The following RTCB variants were observed in gnomAD, a reference collection of about 807,000 sequenced individuals.
RTCB encodes RNA 2',3'-cyclic phosphate and 5'-OH ligase, also known as RNA-splicing ligase RTCB.
In RTCB, 32 loss-of-function variants were observed where a neutral mutation model predicts 58.2. That is an observed-to-expected ratio of 0.55 (90% confidence interval 0.41 to 0.74). The LOEUF is 0.74. RTCB is among the 30% of genes least tolerant of loss of function. RTCB has a pLI of 0.00. For missense variants in RTCB, 523 were observed against 639.0 expected (o/e 0.82, Z 1.96); for synonymous variants, 247 against 218.6 (o/e 1.13, Z -1.15).
intron 8 of RTCB, among the ~76,000 whole-genome samples, chr22:32,395,829 G>C (rs1023817693): frequency 6.6e-6 from 1 of 151,992 alleles, no homozygotes; most frequent in African/African-American, 2.4e-5. Context: ...CGAGTAGCTG[G>C]GACTACATGC....
chr22:32,402,936 G>A (rs1933362283), intron 4 of RTCB, among the ~76,000 whole-genome samples: 1 of 152,028 alleles, frequency 6.6e-6, no homozygotes, highest in South Asian at 2.1e-4. Context: ...GTAGGGATGG[G>A]GTTTCACCAT....
chr22:32,406,647 C>A lies in RTCB; in HGVS notation c.340+15G>T. ...ATGCTACACACTTAACAGCAGATGT[C>A]CACAGTGATCTTACCTGGGGATACT... On this transcript the variant is annotated intron_variant, in intron 4 of 11. Transcript: ENST00000216038. The A allele has an allele frequency of 6.3e-7, 1 of 1,577,654 alleles. No individual in the cohort carries two copies. Among genetic ancestry groups the A allele is most frequent in the South Asian group, 1.1e-5 (1 of 90,322 alleles).
intron 11 of RTCB, among the ~76,000 whole-genome samples, chr22:32,391,128 A>G (rs763521839): frequency 3.2e-4 from 48 of 152,314 alleles, no homozygotes; most frequent in Non-Finnish European, 5.1e-4. Flanking sequence ...TCTAATTACT[A>G]TAACAACTGG....
In RTCB at chr22:32,388,039, T is replaced by C; in HGVS notation, c.1471A>G (p.Ser491Gly). The C allele has an allele frequency of 6.2e-7, 1 of 1,614,160 alleles. No individual in the cohort carries two copies. The highest frequency in any genetic ancestry group is 1.1e-5 in the South Asian group (1 of 91,086). The change falls in exon 12 of 12, where the codon AGC becomes GGC. Residue 491 changes from serine (S) to glycine (G), a missense_variant. This residue lies in a region of RTCB where 248 missense variants were observed against 292.5 expected (regional missense o/e 0.85). Coordinates refer to ENST00000216038, the MANE Select transcript of RTCB (RefSeq NM_014306.5). ...VVNTCHDAGI[S>G]KKAIKLRPIA... Reference sequence around the variant, plus strand: ...GGTCTCAGTTTAATGGCTTTCTTGCTGATTCCAGCATCATGGCAGGTATTT... The same window carrying C: ...GGTCTCAGTTTAATGGCTTTCTTGCCGATTCCAGCATCATGGCAGGTATTT...
chr22:32,394,708 A>T (rs768248286), intron 9 of RTCB, among the ~76,000 whole-genome samples: 1 of 152,118 alleles, frequency 6.6e-6, no homozygotes, highest in African/African-American at 2.4e-5. Context: ...AGAGGACAGG[A>T]GGAATGAAAC....
At chr22:32,403,256 A>C (rs1933367122) in intron 4 of RTCB, among the ~76,000 whole-genome samples, 2 of 152,016 alleles carry the variant, frequency 1.3e-5, no homozygotes, top group Non-Finnish European at 2.9e-5. Flanking sequence ...AATACAAAAA[A>C]ATTAGCGGGG....
rs927708981 is a variant in RTCB at position 32,392,370 on chromosome 22, A to T, written c.1291-11T>A. 5.6e-6 allele frequency: 9 copies of T among 1,613,254 alleles called. No homozygotes were observed. The highest frequency in any genetic ancestry group is 7.6e-6 in the Non-Finnish European group (9 of 1,179,576). On this transcript the variant is annotated splice_polypyrimidine_tract_variant and intron_variant, in intron 10 of 11. Coordinates refer to ENST00000216038, the MANE Select transcript of RTCB (RefSeq NM_014306.5). ...GGACAATGCACGGCCCTAGAATGGG[A>T]AAGGAATGAACTTTACTTTAAACCC...
intron 4 of RTCB, among the ~76,000 whole-genome samples, chr22:32,404,201 G>T (rs772657118): frequency 1.3e-5 from 2 of 152,114 alleles, no homozygotes; most frequent in African/African-American, 4.8e-5. Flanking sequence ...GGATCATATG[G>T]TAGTTCTATT....
At chr22:32,398,146 T>C in intron 6 of RTCB, 46 bp from the exon 7 acceptor site, 1 of 1,576,924 alleles carries the variant, frequency 6.3e-7, no homozygotes, top group Non-Finnish European at 8.6e-7. Context: ...ATTCCAGTTT[T>C]TTTTTTAATC....
chr22:32,408,974 C>T (rs1194597731), intron 1 of RTCB, 141 bp from the exon 2 acceptor site: 4 of 630,056 alleles, frequency 6.3e-6, no homozygotes, highest in South Asian at 6.0e-5. Flanking sequence ...ACACAGAAAA[C>T]TTCCTATCAA....
At chr22:32,401,115 A>T (rs1220890475) in intron 5 of RTCB, among the ~76,000 whole-genome samples, 1 of 143,288 alleles carries the variant, frequency 7.0e-6, no homozygotes, top group Non-Finnish European at 1.5e-5. Context: ...TTTTTAATTG[A>T]GACAGGGTCA....
At chr22:32,390,598 G>A (rs1231567266) in intron 11 of RTCB, among the ~76,000 whole-genome samples, 2 of 151,972 alleles carry the variant, frequency 1.3e-5, no homozygotes, top group East Asian at 1.9e-4. Flanking sequence ...ACAGGCGCCC[G>A]CCACCACGCC....
chr22:32,405,469 T>C (rs1235886837), intron 4 of RTCB, among the ~76,000 whole-genome samples: 1 of 152,148 alleles, frequency 6.6e-6, no homozygotes, highest in Non-Finnish European at 1.5e-5. Context: ...TGTACTACAA[T>C]GCAAGTGCAC....
At position 32,412,049 on chromosome 22, in the gene RTCB, G is replaced by A; in HGVS notation, c.93+15C>T. The A allele has an allele frequency of 6.3e-7, 1 of 1,593,958 alleles. No homozygotes were observed. ...CGGAGCACGGAAGGCCCCGCCATTT[G>A]CTCTCCTGCCTTACCTGCATGTTGG... On this transcript the variant is annotated intron_variant, in intron 1 of 11. Coordinates refer to ENST00000216038, the MANE Select transcript of RTCB (RefSeq NM_014306.5).
Position 32,398,605 on chromosome 22 carries a change from AG to A in RTCB, c.655-506del, listed in dbSNP as rs1290591968. On this transcript the variant is annotated intron_variant, in intron 6 of 11. Transcript: ENST00000216038. ...CCAGCACATGTATCCCAGAACTTAA[AG>A]TAAATAAATTAATTTTTTAAAAAAA... Among the ~76,000 whole-genome samples the A allele has an allele frequency of 3.3e-4, 50 of 152,334 alleles. No homozygotes were observed. In the South Asian group the frequency reaches 3.9e-3, roughly 12 times the overall value.
rs774747345 is a variant in RTCB, at chr22:32,401,734, C to T, written c.497+13G>A. On this transcript the variant is annotated intron_variant, in intron 5 of 11. Coordinates refer to ENST00000216038, the MANE Select transcript of RTCB (RefSeq NM_014306.5). The stretch of plus-strand genomic sequence containing the variant: ...TCCCTCCCATACCATGTACTGGAAA[C>T]GTGTGCTCTTACTTGGCATTCATTG... 2 of 1,613,336 alleles carry T rather than the reference C, an allele frequency of 1.2e-6. No individual in the cohort carries two copies. The highest frequency in any genetic ancestry group is 2.2e-5 in the South Asian group (2 of 91,000).
Position 32,396,230 on chromosome 22 carries a change from C to A in RTCB, c.834G>T (p.Glu278Asp). The part of the protein sequence containing the change: ...QVATDALVAM[E>D]KAMKRDKIIV... ...TAATCTTGTCTCTCTTCATGGCCTT[C>A]TCCATAGCTACCAGCGCATCTGGAA... The change falls in exon 8 of 12, where the codon GAG (glutamate) becomes GAT (aspartate). Residue 278 changes from glutamate to aspartate, a missense_variant. Physicochemically the swap from Glu to Asp is conservative, Grantham distance 45. This residue lies in a region of RTCB where 141 missense variants were observed against 216.7 expected (regional missense o/e 0.65). Transcript: ENST00000216038. 6.2e-7 allele frequency: 1 copy of A among 1,614,140 alleles called. No homozygotes were observed. The highest frequency in any genetic ancestry group is 8.5e-7 in the Non-Finnish European group (1 of 1,180,012).
At chr22:32,408,115 T>C (rs1292363573) in intron 3 of RTCB, 60 bp downstream of exon 3, 8 of 1,418,084 alleles carry the variant, frequency 5.6e-6, no homozygotes, top group Non-Finnish European at 8.0e-6. Flanking sequence ...GGCATGGCCA[T>C]TCATCCATTC....
rs148504748 is a variant in RTCB, at chr22:32,395,209, G to A, written c.996C>T (p.Phe332=). 54 of 1,613,590 alleles carry A rather than the reference G, an allele frequency of 3.3e-5. 1 individual carries two copies. The Middle Eastern group carries it at 6.6e-4, about 20-fold the overall frequency. ...SSMTFLTRQA[F]AKVFNTTPDD... ...CAGGGGTTGTGTTGAAGACCTTGGC[G>A]AAAGCCTAGGAGAAAACACAGAAGA... The change falls in exon 9 of 12, where the codon TTC becomes TTT. Residue 332 remains phenylalanine, a synonymous_variant. Coordinates refer to ENST00000216038, the MANE Select transcript of RTCB (RefSeq NM_014306.5).
Sources: gnomAD v4.1 joint callset for allele counts (sites outside exome capture counted in the v4.1 genomes callset) on GRCh38, gnomAD v4.1.1 for gene constraint, gnomAD v4.1.1 regional missense constraint, MANE v1.5 for transcripts, NCBI Gene and HGNC (gene_info 2026-07-23, HGNC 2026-07-21) for gene names.